The following NAT1 variants were observed in gnomAD, a reference collection of about 807,000 sequenced individuals.
NAT1 encodes the protein arylamine N-acetyltransferase 1.
For missense variants in NAT1, 400 were observed against 339.2 expected, an observed-to-expected ratio of 1.18 and a Z score of -1.41; for synonymous variants, 144 against 122.6, an observed-to-expected ratio of 1.17 and a Z score of -1.16.
At chr8:18,197,658 T>A (rs975058669) in intron 2 of NAT1, among the ~76,000 whole-genome samples, 1 of 152,214 alleles carries the variant, frequency 6.6e-6, no homozygotes, top group Non-Finnish European at 1.5e-5. Context: ...TGGCGGTTTG[T>A]CTAAACAGCA....
chr8:18,193,518 T>C (rs1803105042), intron 2 of NAT1, among the ~76,000 whole-genome samples: 1 of 142,600 alleles, frequency 7.0e-6, no homozygotes, highest in Non-Finnish European at 1.5e-5. Flanking sequence ...TATATATATA[T>C]ATATCACATA....
chr8:18,176,389 G>C (rs1036301967), intron 2 of NAT1, among the ~76,000 whole-genome samples: 4 of 152,066 alleles, frequency 2.6e-5, no homozygotes, highest in Non-Finnish European at 4.4e-5. Context: ...TATTCATTTT[G>C]AGTTGACTTC....
chr8:18,208,126 G>A (rs907070483), upstream of NAT1, among the ~76,000 whole-genome samples: 15 of 151,436 alleles, frequency 9.9e-5, no homozygotes, highest in African/African-American at 3.6e-4. Flanking sequence ...GGTGAGGAGG[G>A]TGGGGGTATG....
upstream of NAT1, among the ~76,000 whole-genome samples, chr8:18,209,449 T>C (rs1019929598): frequency 1.3e-5 from 2 of 152,224 alleles, no homozygotes; most frequent in African/African-American, 4.8e-5. Flanking sequence ...CCTGTAAACA[T>C]GTATATTGGG....
intron 1 of NAT1, among the ~76,000 whole-genome samples, chr8:18,211,022 C>G (rs1301756531): frequency 6.6e-6 from 1 of 152,274 alleles, no homozygotes; most frequent in Non-Finnish European, 1.5e-5. Context: ...CTAGGCTCAT[C>G]TCGAACTCCT....
intron 2 of NAT1, among the ~76,000 whole-genome samples, chr8:18,175,147 T>C (rs1215320743): frequency 1.3e-5 from 2 of 152,136 alleles, no homozygotes; most frequent in Non-Finnish European, 2.9e-5. Context: ...GATCTATGTA[T>C]ACATTGTAGA....
At chr8:18,193,551 A>T (rs1803106978) in intron 2 of NAT1, among the ~76,000 whole-genome samples, 1 of 146,530 alleles carries the variant, frequency 6.8e-6, no homozygotes, top group Admixed American at 6.9e-5. Context: ...ATACAGAACC[A>T]GGTCCTTAAA....
chr8:18,221,078 C>T (rs1805233370), intron 2 of NAT1, among the ~76,000 whole-genome samples: 1 of 152,320 alleles, frequency 6.6e-6, no homozygotes, highest in Non-Finnish European at 1.5e-5. Flanking sequence ...AAATGCCAGT[C>T]TTAGCTCCAA....
chr8:18,201,621 G>C (rs892299853), intron 2 of NAT1, among the ~76,000 whole-genome samples: 5 of 152,210 alleles, frequency 3.3e-5, no homozygotes, highest in African/African-American at 4.8e-5. Flanking sequence ...TGAGGGATAA[G>C]ACTCCCAGAG....
chr8:18,182,938 A>T (rs2117226591), intron 2 of NAT1, among the ~76,000 whole-genome samples: 1 of 152,284 alleles, frequency 6.6e-6, no homozygotes, highest in Admixed American at 6.5e-5. Flanking sequence ...TTATGCACCT[A>T]TTATTAGATT....
intron 2 of NAT1, among the ~76,000 whole-genome samples, chr8:18,192,039 A>C (rs1173535716): frequency 1.3e-5 from 2 of 151,610 alleles, no homozygotes; most frequent in African/African-American, 2.4e-5. Context: ...AACTACCATC[A>C]GAGTGAACAG....
chr8:18,198,360 A>T (rs1316273437), intron 2 of NAT1, among the ~76,000 whole-genome samples: 3 of 152,216 alleles, frequency 2.0e-5, no homozygotes, highest in African/African-American at 7.2e-5. Context: ...TCACTGAGTT[A>T]TGAATGGTGT....
chr8:18,197,981 C>A (rs1343319833), intron 2 of NAT1, among the ~76,000 whole-genome samples: 1 of 150,990 alleles, frequency 6.6e-6, no homozygotes. Context: ...CAAGGGATGC[C>A]AAAACAATTT....
chr8:18,216,655 T>G (rs1311520585), intron 1 of NAT1, among the ~76,000 whole-genome samples: 2 of 152,132 alleles, frequency 1.3e-5, no homozygotes, highest in Non-Finnish European at 2.9e-5. Context: ...AACACAGTCA[T>G]GAGGGGTCTT....
At chr8:18,221,154 C>G (rs923266460) in intron 2 of NAT1, among the ~76,000 whole-genome samples, 6 of 152,108 alleles carry the variant, frequency 3.9e-5, no homozygotes, top group African/African-American at 1.4e-4. Context: ...CTCCAATTAC[C>G]CTTGCTTCCT....
intron 2 of NAT1, among the ~76,000 whole-genome samples, chr8:18,171,414 C>CA (rs1257787396): frequency 6.6e-6 from 1 of 152,052 alleles, no homozygotes; most frequent in African/African-American, 2.4e-5. Flanking sequence ...AAAAGGCAAA[C>CA]AAAAAGCTTA....
At chr8:18,202,143 T>A (rs1803490559) in intron 2 of NAT1, among the ~76,000 whole-genome samples, 1 of 152,234 alleles carries the variant, frequency 6.6e-6, no homozygotes, top group Admixed American at 6.5e-5. Context: ...ACAAACCTTA[T>A]CTTTGTGTAA....
intron 1 of NAT1, among the ~76,000 whole-genome samples, chr8:18,210,565 A>G (rs7017402): frequency 0.81 from 122,941 of 152,172 alleles, 50,477 homozygotes; most frequent in Non-Finnish European, 0.89. Flanking sequence ...CTTTCTCAAC[A>G]GGATTTCCCT....
At chr8:18,171,790 A>G (rs1589043500) in intron 2 of NAT1, among the ~76,000 whole-genome samples, 2 of 152,194 alleles carry the variant, frequency 1.3e-5, no homozygotes, top group African/African-American at 4.8e-5. Context: ...TATTTCCTTT[A>G]GGGACTGAAA....
Sources: allele counts gnomAD v4.1 joint callset (sites outside exome capture counted in the v4.1 genomes callset), GRCh38; gene constraint gnomAD v4.1.1; transcripts MANE v1.5; gene names NCBI Gene and HGNC (gene_info 2026-07-23, HGNC 2026-07-21).